PTPRT: variants seen among roughly 807,000 people sequenced by gnomAD.
PTPRT encodes the protein protein tyrosine phosphatase receptor type T, also known as receptor-type tyrosine-protein phosphatase T.
PTPRT carries 56 observed loss-of-function variants against 176.8 expected under a neutral mutation model. The ratio of observed to expected loss-of-function variants is 0.32; its 90% CI spans 0.26 to 0.40. The LOEUF is 0.40. Ranked by LOEUF, PTPRT falls within the 10% of genes least tolerant of loss-of-function variation. PTPRT has a pLI of 1.00. For synonymous variants in PTPRT, 783 were observed against 739.0 expected, an observed-to-expected ratio of 1.06 and a Z score of -0.96; for missense variants, 1,540 against 1,908.2, an observed-to-expected ratio of 0.81 and a Z score of 3.60.
intron 13 of PTPRT, among the ~76,000 whole-genome samples, chr20:42,282,094 C>A (rs754939442): frequency 6.6e-6 from 1 of 151,994 alleles, no homozygotes; most frequent in Admixed American, 6.6e-5. Context: ...ACCAACAGAA[C>A]GAAGTACAGA....
At chr20:42,845,288 G>A (rs2078350355) in intron 2 of PTPRT, among the ~76,000 whole-genome samples, 1 of 34,836 alleles carries the variant, frequency 2.9e-5, no homozygotes, top group South Asian at 9.0e-4. Flanking sequence ...TAATGGCCAA[G>A]TCACTTCTCC....
chr20:42,642,397 C>A (rs1395055968), intron 7 of PTPRT, among the ~76,000 whole-genome samples: 4 of 152,150 alleles, frequency 2.6e-5, no homozygotes, highest in African/African-American at 4.8e-5. Flanking sequence ...CTCCCTGAGT[C>A]TCAGTGACTT....
intron 14 of PTPRT, among the ~76,000 whole-genome samples, chr20:42,238,173 G>A (rs1483678517): frequency 6.6e-6 from 1 of 152,140 alleles, no homozygotes; most frequent in East Asian, 1.9e-4. Context: ...TCTATAACCA[G>A]TGCATGATAG....
chr20:42,671,969 T>C (rs2075420453), intron 7 of PTPRT, among the ~76,000 whole-genome samples: 1 of 152,218 alleles, frequency 6.6e-6, no homozygotes, highest in African/African-American at 2.4e-5. Flanking sequence ...TCCAGATTTA[T>C]ATATTCCCAT....
intron 2 of PTPRT, among the ~76,000 whole-genome samples, chr20:42,854,772 T>C (rs1478443798): frequency 6.6e-6 from 1 of 152,236 alleles, no homozygotes; most frequent in East Asian, 1.9e-4. Flanking sequence ...GCTTCCTCTC[T>C]GCCCAGAGCA....
At chr20:42,199,898 G>A (rs1303906405) in intron 15 of PTPRT, among the ~76,000 whole-genome samples, 1 of 152,112 alleles carries the variant, frequency 6.6e-6, no homozygotes, top group Non-Finnish European at 1.5e-5. Context: ...TCAAAAGAAG[G>A]AAATTTAGAG....
intron 1 of PTPRT, among the ~76,000 whole-genome samples, chr20:43,128,505 C>A (rs1021668464): frequency 6.6e-6 from 1 of 152,216 alleles, no homozygotes; most frequent in Admixed American, 6.5e-5. Flanking sequence ...CCAGCACAAC[C>A]ACTATGGGGG....
intron 24 of PTPRT, among the ~76,000 whole-genome samples, chr20:42,106,077 T>C (rs1986409127): frequency 6.6e-6 from 1 of 152,188 alleles, no homozygotes; most frequent in Non-Finnish European, 1.5e-5. Flanking sequence ...TGTGAGGTCT[T>C]AGGGACACAA....
intron 7 of PTPRT, among the ~76,000 whole-genome samples, chr20:42,482,870 A>G (rs1453132055): frequency 2.0e-5 from 3 of 152,166 alleles, no homozygotes; most frequent in Non-Finnish European, 4.4e-5. Context: ...AGTGTTAACA[A>G]AAATAGACAT....
intron 1 of PTPRT, among the ~76,000 whole-genome samples, chr20:43,044,004 G>GCT (rs1168352402): frequency 1.3e-5 from 2 of 152,080 alleles, no homozygotes; most frequent in East Asian, 3.9e-4. Flanking sequence ...GGGAGTCCCA[G>GCT]GGCTCGTTCA....
At chr20:42,818,785 G>A (rs1041449263) in intron 2 of PTPRT, among the ~76,000 whole-genome samples, 7 of 152,132 alleles carry the variant, frequency 4.6e-5, no homozygotes, top group South Asian at 4.2e-4. Flanking sequence ...CTGACCACGC[G>A]GAAGAAAGGA....
chr20:42,308,737 C>A (rs2057583412), intron 12 of PTPRT, among the ~76,000 whole-genome samples: 2 of 152,178 alleles, frequency 1.3e-5, no homozygotes, highest in Admixed American at 1.3e-4. Flanking sequence ...CCAAGTCTGT[C>A]TGATGCTCAA....
At chr20:42,082,773 T>C (rs1321410279) in intron 29 of PTPRT, among the ~76,000 whole-genome samples, 2 of 152,166 alleles carry the variant, frequency 1.3e-5, no homozygotes, top group South Asian at 2.1e-4. Context: ...TTACAGACAG[T>C]CCCTGTAGGA....
At position 42,917,247 on chromosome 20, in the gene PTPRT, G is replaced by A. The variant is rs190286347; in HGVS notation, c.89-31315C>T. On this transcript the variant is annotated intron_variant, in intron 1 of 30. Transcript: ENST00000373187. The stretch of plus-strand genomic sequence containing the variant: ...CTTTCCCCATTGCTTGTTTTTGTCA[G>A]GTTTGTCAAAGATCAGATAGTTGTA... Among the ~76,000 whole-genome samples the A allele has an allele frequency of 2.8e-4, 43 of 152,182 alleles. No individual in the cohort carries two copies. The East Asian group carries it at 5.8e-3, about 20-fold the overall frequency.
At chr20:42,676,144 G>GTTA (rs1349315074) in intron 7 of PTPRT, among the ~76,000 whole-genome samples, 5 of 152,102 alleles carry the variant, frequency 3.3e-5, no homozygotes, top group Non-Finnish European at 5.9e-5. Context: ...GGATTTCCGA[G>GTTA]GTTCAGGTTA....
chr20:42,379,772 A>C (rs1019434444), intron 9 of PTPRT, among the ~76,000 whole-genome samples: 1 of 152,252 alleles, frequency 6.6e-6, no homozygotes, highest in Non-Finnish European at 1.5e-5. Context: ...TCCTTGAATC[A>C]GTGTGCAGAA....
intron 7 of PTPRT, among the ~76,000 whole-genome samples, chr20:42,482,480 G>C (rs1214504085): frequency 6.6e-6 from 1 of 152,188 alleles, no homozygotes; most frequent in Non-Finnish European, 1.5e-5. Flanking sequence ...TTTGTATTTT[G>C]AGTTTCTACC....
chr20:42,968,334 T>C (rs1982420445), intron 1 of PTPRT, among the ~76,000 whole-genome samples: 1 of 152,180 alleles, frequency 6.6e-6, no homozygotes, highest in African/African-American at 2.4e-5. Flanking sequence ...TAGGGCAAGA[T>C]TCATCCTTAT....
At chr20:42,393,375 C>A (rs16986834) in intron 9 of PTPRT, among the ~76,000 whole-genome samples, 10,375 of 152,100 alleles carry the variant, frequency 0.068, 441 homozygotes, top group African/African-American at 0.12. Flanking sequence ...TTGATTATGC[C>A]TCATTTCACA....
Sources: allele counts gnomAD v4.1 joint callset (sites outside exome capture counted in the v4.1 genomes callset), GRCh38; gene constraint gnomAD v4.1.1; transcripts MANE v1.5; gene names NCBI Gene and HGNC (gene_info 2026-07-23, HGNC 2026-07-21).